The following GBA2 variants were observed in gnomAD, a reference collection of about 807,000 sequenced individuals.
GBA2 encodes the protein glucosylceramidase beta 2.
A neutral mutation model predicts 112.9 loss-of-function variants in GBA2; 79 were observed. The observed-to-expected ratio is 0.70, with a 90% CI of 0.58 to 0.84. The LOEUF is 0.84. Ranked by LOEUF, GBA2 falls within the 40% of genes least tolerant of loss-of-function variation. GBA2 has a pLI of 0.00. For missense variants in GBA2, 1,043 were observed against 1,190.0 expected (o/e 0.88, Z 1.82); for synonymous variants, 403 against 434.3 (o/e 0.93, Z 0.90).
At chr9:35,747,025 C>G (rs939157044) in intron 1 of GBA2, among the ~76,000 whole-genome samples, 2 of 152,120 alleles carry the variant, frequency 1.3e-5, no homozygotes, top group African/African-American at 2.4e-5. Context: ...CATTCCTGAC[C>G]TATTTGGCCT....
Position 35,740,766 on chromosome 9 carries a change from C to G in GBA2, c.1026+59G>C, listed in dbSNP as rs934613376. Reference sequence around the variant, plus strand: ...AGTATGATGAGGGTGGATGAAGAGACCATGCTGGGGTGGAGGTGGGGTTCA... The same window carrying G: ...AGTATGATGAGGGTGGATGAAGAGAGCATGCTGGGGTGGAGGTGGGGTTCA... On this transcript the variant is annotated intron_variant, in intron 5 of 16. Transcript: ENST00000378103. The surrounding 1 kb of genome is among the most constrained non-coding windows in gnomAD (Gnocchi z 4.7). 6.3e-7 allele frequency: 1 copy of G among 1,597,146 alleles called. No homozygotes were observed. Among genetic ancestry groups the G allele is most frequent in the Non-Finnish European group, 8.6e-7 (1 of 1,167,152 alleles).
In GBA2 at chr9:35,739,632, A is replaced by C; in HGVS notation, c.1578T>G (p.Leu526=). The C allele has an allele frequency of 6.2e-7, 1 of 1,613,518 alleles. No homozygotes were observed. The highest frequency in any genetic ancestry group is 2.2e-5 in the East Asian group (1 of 44,862). The change falls in exon 9 of 17, where the codon CTT becomes CTG. Residue 526 remains leucine, a synonymous_variant. Transcript: ENST00000378103. ...TLRDYGRFGY[L]EGQEYRMYNT... ...CAGCCCACCAGCATCCTGTACCCTCAAGGTAGCCAAATCGACCGTAGTCCC... is the reference window on the plus strand; with the variant it reads ...CAGCCCACCAGCATCCTGTACCCTCCAGGTAGCCAAATCGACCGTAGTCCC...
rs769419117 is a variant in GBA2 at position 35,748,582 on chromosome 9, C to T, written c.123G>A (p.Gln41=). ...CTTCGGGACTCTTACAGTCTGTAAC[C>T]TGCACATCCTTGGTGCCGCCAGTCT... ...PEETGGTKDV[Q]VTDCKSPEDS... is the part of the protein sequence containing the mutation. Residue 41 remains glutamine (Q), a synonymous_variant, in exon 1 of 17, where the codon CAG becomes CAA. Coordinates refer to ENST00000378103, the MANE Select transcript of GBA2 (RefSeq NM_020944.3). 1.9e-6 allele frequency: 3 copies of T among 1,614,012 alleles called. No homozygotes were observed. The highest frequency in any genetic ancestry group is 4.5e-5 in the East Asian group (2 of 44,870).
chr9:35,748,624 T>C lies in GBA2; in HGVS notation c.81A>G (p.Gln27=), dbSNP rs752810874. 3 of 1,613,404 alleles carry C rather than the reference T, an allele frequency of 1.9e-6. No homozygotes were observed. The highest frequency in any genetic ancestry group is 2.2e-5 in the East Asian group (1 of 44,856). The part of the protein sequence containing the change: ...EQISCAKEDP[Q]VYCPEETGGT... Reference sequence around the variant, plus strand: ...CGCCAGTCTCTTCAGGGCAATAAACTTGTGGATCCTCTTTGGCACAGCTTA... The same window carrying C: ...CGCCAGTCTCTTCAGGGCAATAAACCTGTGGATCCTCTTTGGCACAGCTTA... The change falls in exon 1 of 17, where the codon CAA becomes CAG. Residue 27 remains glutamine, a synonymous_variant. Coordinates refer to ENST00000378103, the MANE Select transcript of GBA2 (RefSeq NM_020944.3).
chr9:35,737,503 T>G lies in GBA2; in HGVS notation c.2506-56A>C. 5 of 1,586,608 alleles carry G rather than the reference T, an allele frequency of 3.2e-6. 1 individual carries two copies. The South Asian group carries it at 5.7e-5, about 18-fold the overall frequency. On this transcript the variant is annotated intron_variant, in intron 16 of 16. Transcript: ENST00000378103. The surrounding 1 kb of genome is among the most constrained non-coding windows in gnomAD (Gnocchi z 4.1). ...AACTTGGCACCCTCTGAAGAGCCAC[T>G]TCCACTGGATAGATGGAGGCAGTAG...
In GBA2 at chr9:35,739,705, AGG is replaced by A; in HGVS notation, c.1503_1504del (p.Leu502ThrfsTer25). ...CATGTTTCTGCCCAGCTCCTCTGGT[AGG>A]GAGTCCTCAAGAACTTCCAGCCACA... is the stretch of plus-strand genomic sequence containing the variant. On this transcript the variant is annotated frameshift_variant, in exon 9 of 17. Coordinates refer to ENST00000378103, the MANE Select transcript of GBA2 (RefSeq NM_020944.3). LOFTEE classifies it high-confidence loss of function. 2 of 1,613,890 alleles carry A rather than the reference AGG, an allele frequency of 1.2e-6. No individual in the cohort carries two copies. Among genetic ancestry groups the A allele is most frequent in the Non-Finnish European group, 1.7e-6 (2 of 1,179,776 alleles).
Position 35,740,894 on chromosome 9 carries a change from G to C in GBA2, c.957C>G (p.Val319=). 6.2e-7 allele frequency: 1 copy of C among 1,613,832 alleles called. No individual in the cohort carries two copies. The highest frequency in any genetic ancestry group is 1.1e-5 in the South Asian group (1 of 91,072). ...PFCLERSGET[V]RGLLLHHPTL... Reference sequence around the variant, plus strand: ...TTGGATGATGCAGGAGCAGCCCCCGGACAGTTTCCCCGCTACGCTCCAGAC... The same window carrying C: ...TTGGATGATGCAGGAGCAGCCCCCGCACAGTTTCCCCGCTACGCTCCAGAC... Residue 319 remains valine (V), a synonymous_variant, in exon 5 of 17, where the codon GTC becomes GTG. Coordinates refer to ENST00000378103, the MANE Select transcript of GBA2 (RefSeq NM_020944.3). This position sits in a 1 kb window ranked among gnomAD's most constrained non-coding sequence, Gnocchi z 4.7.
chr9:35,737,688 TGAG>T lies in GBA2; in HGVS notation c.2505+57_2505+59del, dbSNP rs773822816. On this transcript the variant is annotated intron_variant, in intron 16 of 16. Coordinates refer to ENST00000378103, the MANE Select transcript of GBA2 (RefSeq NM_020944.3). The surrounding 1 kb of genome is among the most constrained non-coding windows in gnomAD (Gnocchi z 4.1). ...TTATGCCTTGAAGAAATTTGGTGGT[TGAG>T]GAAGTTTTCTGGGCCAGGATACAGA... 23 of 1,611,538 alleles carry T rather than the reference TGAG, an allele frequency of 1.4e-5. No homozygotes were observed. The Admixed American group carries it at 3.8e-4, about 27-fold the overall frequency.
Position 35,737,891 on chromosome 9 carries a change from G to C in GBA2, c.2362C>G (p.Leu788Val). 1 of 1,613,466 alleles carries C rather than the reference G, an allele frequency of 6.2e-7. No homozygotes were observed. Among genetic ancestry groups the C allele is most frequent in the Non-Finnish European group, 8.5e-7 (1 of 1,180,010 alleles). Residue 788 changes from leucine (L) to valine (V), a missense_variant, in exon 16 of 17, where the codon CTG becomes GTG. Coordinates refer to ENST00000378103, the MANE Select transcript of GBA2 (RefSeq NM_020944.3). This position sits in a 1 kb window ranked among gnomAD's most constrained non-coding sequence, Gnocchi z 4.1. ...CCTCCTGCAAAGGCCTGGACGTTCA[G>C]CTCAAAGATAGTTTGGAGAGCACGG... ...VVRALQTIFE[L>V]NVQAFAGGAM...
At chr9:35,743,567 A>T (rs553722937) in intron 3 of GBA2, among the ~76,000 whole-genome samples, 4 of 152,296 alleles carry the variant, frequency 2.6e-5, no homozygotes, top group Admixed American at 2.6e-4. Flanking sequence ...CATTAATTGG[A>T]CTAAAGATTT....
rs1313074779 is a variant in GBA2, at chr9:35,738,566, C to T, written c.2014G>A (p.Ala672Thr). Reference protein sequence around the residue: ...HDGLIENGGYADQTYDGWVTT... With the variant: ...HDGLIENGGYTDQTYDGWVTT... ...ACCCATCCATCATAGGTCTGGTCTG[C>T]ATAGCCTCCATTTTCAATGAGTCCA... The change falls in exon 13 of 17, where the codon GCA (alanine) becomes ACA (threonine). Residue 672 changes from alanine (A) to threonine (T), a missense_variant. Physicochemically the swap from Ala to Thr is moderately conservative, Grantham distance 58. Coordinates refer to ENST00000378103, the MANE Select transcript of GBA2 (RefSeq NM_020944.3). The T allele has an allele frequency of 7.4e-6, 12 of 1,613,876 alleles. No individual in the cohort carries two copies. The highest frequency in any genetic ancestry group is 4.0e-5 in the African/African-American group (3 of 74,926).
At chr9:35,739,524 C>T (rs964110202) in intron 9 of GBA2, 104 bp downstream of exon 9, 18 of 1,291,362 alleles carry the variant, frequency 1.4e-5, no homozygotes, top group Middle Eastern at 3.7e-4. Context: ...GTTACTAGTC[C>T]ACACCCAACA....
rs1044782216 is a variant in GBA2 at position 35,739,553 on chromosome 9, T to A, written c.1582+75A>T. ...CCCAACACCCCCTCATCCTAACCAATACCCTGGGGTAGGCAAATCCATCAT... is the reference window on the plus strand; with the variant it reads ...CCCAACACCCCCTCATCCTAACCAAAACCCTGGGGTAGGCAAATCCATCAT... On this transcript the variant is annotated intron_variant, in intron 9 of 16. Coordinates refer to ENST00000378103, the MANE Select transcript of GBA2 (RefSeq NM_020944.3). 3.7e-5 allele frequency: 53 copies of A among 1,424,894 alleles called. No homozygotes were observed. In the Middle Eastern group the frequency reaches 8.9e-4, roughly 24 times the overall value. The allele number at this position is 1,424,894 out of a possible 1,614,324, so 88.3% of individuals were successfully genotyped here.
intron 9 of GBA2, 37 bp downstream of exon 9, chr9:35,739,591 A>T (rs1187284052): frequency 1.3e-6 from 2 of 1,586,742 alleles, no homozygotes; most frequent in Non-Finnish European, 1.7e-6. Flanking sequence ...TGACTTGGGG[A>T]TGGCCTGCCA....
Position 35,737,763 on chromosome 9 carries a change from A to C in GBA2, c.2490T>G (p.Ala830=), listed in dbSNP as rs749610229. The change falls in exon 16 of 17, where the codon GCT becomes GCG. Residue 830 remains alanine, a synonymous_variant. Coordinates refer to ENST00000378103, the MANE Select transcript of GBA2 (RefSeq NM_020944.3). This position sits in a 1 kb window ranked among gnomAD's most constrained non-coding sequence, Gnocchi z 4.1. ...AGTGCATTACCTCTTGGATCATGGT[A>C]GCTGCCAGCCCGTAGACCACACCCA... is the stretch of plus-strand genomic sequence containing the variant. The part of the protein sequence containing the change: ...VWVGVVYGLA[A]TMIQEGLTWE... 1 of 1,613,786 alleles carries C rather than the reference A, an allele frequency of 6.2e-7. No individual in the cohort carries two copies. The highest frequency in any genetic ancestry group is 8.5e-7 in the Non-Finnish European group (1 of 1,179,690).
At position 35,741,461 on chromosome 9, in the gene GBA2, AT is replaced by A. The variant is rs1176345500; in HGVS notation, c.786+210del. 0.049 allele frequency: 19,196 copies of A among 394,754 alleles called. No homozygotes were observed. Among genetic ancestry groups the A allele is most frequent in the Middle Eastern group, 0.073 (103 of 1,402 alleles). 24.5% of individuals were successfully genotyped at this position (394,754 alleles called of 1,614,324 possible). On this transcript the variant is annotated intron_variant, in intron 4 of 16. Transcript: ENST00000378103. This position sits in a 1 kb window ranked among gnomAD's most constrained non-coding sequence, Gnocchi z 4.6. Reference sequence around the variant, plus strand: ...AGGTGCCTGCCACAACGCCCAGCTAATTTTTTTTTTTGTATTTTTAGTAGAT... The same window carrying A: ...AGGTGCCTGCCACAACGCCCAGCTAATTTTTTTTTTGTATTTTTAGTAGAT...
chr9:35,740,695 G>T lies in GBA2; in HGVS notation c.1027-67C>A. The T allele has an allele frequency of 6.6e-7, 1 of 1,521,802 alleles. No homozygotes were observed. The highest frequency in any genetic ancestry group is 9.1e-7 in the Non-Finnish European group (1 of 1,099,694). The allele number at this position is 1,521,802 out of a possible 1,614,324, so 94.3% of individuals were successfully genotyped here. A position where few individuals can be genotyped will look rare whatever the true frequency, so the allele number is the denominator to read the frequency against. Reference sequence around the variant, plus strand: ...ACACTGGGTCCCGGCTAGCTCCCCAGCTCCTCTTACTTACTCTTAACCTCC... The same window carrying T: ...ACACTGGGTCCCGGCTAGCTCCCCATCTCCTCTTACTTACTCTTAACCTCC... On this transcript the variant is annotated intron_variant, in intron 5 of 16. Transcript: ENST00000378103. The surrounding 1 kb of genome is among the most constrained non-coding windows in gnomAD (Gnocchi z 4.7).
intron 1 of GBA2, 54 bp from the exon 2 acceptor site, chr9:35,744,760 A>G (rs1588023866): frequency 1.1e-6 from 1 of 922,846 alleles, no homozygotes; most frequent in Non-Finnish European, 1.8e-6. Context: ...AGCTGTTCAC[A>G]GGCTGAGTCA....
rs1006968189 is a variant in GBA2, at chr9:35,746,797, A to G, written c.359+1549T>C. Among the ~76,000 whole-genome samples the G allele has an allele frequency of 1.8e-4, 28 of 152,164 alleles. No individual in the cohort carries two copies. Among genetic ancestry groups the G allele is most frequent in the South Asian group, 2.1e-4 (1 of 4,832 alleles). On this transcript the variant is annotated intron_variant, in intron 1 of 16. Coordinates refer to ENST00000378103, the MANE Select transcript of GBA2 (RefSeq NM_020944.3). The surrounding 1 kb of genome is among the most constrained non-coding windows in gnomAD (Gnocchi z 5.2). ...CAACCAGGGAGAGTAACTGCAATCT[A>G]TGAGGACAGACAGAACAAAGGACTA...
Sources: allele counts gnomAD v4.1 joint callset (sites outside exome capture counted in the v4.1 genomes callset), GRCh38; gene constraint gnomAD v4.1.1; non-coding constraint Gnocchi (gnomAD v3.1); transcripts MANE v1.5; gene names NCBI Gene and HGNC (gene_info 2026-07-23, HGNC 2026-07-21).